Variants in KCNG4 observed in about 807,000 individuals in gnomAD.
KCNG4 encodes voltage-gated potassium channel regulatory subunit KCNG4.
KCNG4 carries 30 observed loss-of-function variants against 28.2 expected under a neutral mutation model. The observed-to-expected ratio is 1.06, with a 90% CI of 0.80 to 1.44. The LOEUF (loss-of-function observed/expected upper bound fraction) is 1.44, where lower values mean the gene tolerates loss of function less well. Among genes scored for constraint, KCNG4 ranks in the 40% most tolerant of loss-of-function variants. The probability of loss-of-function intolerance (pLI) is 0.00; values close to 1 mark genes in which losing one functional copy is unlikely to be tolerated. For synonymous variants in KCNG4, 375 were observed against 315.5 expected, an observed-to-expected ratio of 1.19 and a Z score of -2.00; for missense variants, 879 against 712.3, an observed-to-expected ratio of 1.23 and a Z score of -2.66.
intron 2 of KCNG4, among the ~76,000 whole-genome samples, chr16:84,233,229 G>T (rs1409883285): frequency 1.3e-5 from 2 of 152,200 alleles, no homozygotes; most frequent in Non-Finnish European, 2.9e-5. Context: ...GCTCAAGGAG[G>T]TTAAGTGACT....
intron 2 of KCNG4, among the ~76,000 whole-genome samples, chr16:84,225,885 C>A (rs900603026): frequency 2.6e-5 from 4 of 152,238 alleles, no homozygotes; most frequent in African/African-American, 4.8e-5. Flanking sequence ...CCTCCCAGCA[C>A]TGGTTCCTCA....
chr16:84,237,068 C>CG lies in KCNG4; in HGVS notation c.417dup (p.Ala140ArgfsTer175). 6.2e-7 allele frequency: 1 copy of CG among 1,614,074 alleles called. No individual in the cohort carries two copies. The highest frequency in any genetic ancestry group is 1.1e-5 in the South Asian group (1 of 91,084). On this transcript the variant is annotated frameshift_variant, in exon 2 of 3. Transcript: ENST00000308251. LOFTEE classifies it high-confidence loss of function. ...GCCAGCTCCTCCTGGAAGGACAGCG[C>CG]GCACATCTCCTGCAGAAGCACCAGC...
At position 84,237,286 on chromosome 16, in the gene KCNG4, C is replaced by T. The variant is rs1904992833; in HGVS notation, c.200G>A (p.Gly67Asp). Reference sequence around the variant, plus strand: ...GCTCCAGGGGAGGAGATACCTCCTGCCCCCCACGTTGATCAGGATCTCCTT... The same window carrying T: ...GCTCCAGGGGAGGAGATACCTCCTGTCCCCCACGTTGATCAGGATCTCCTT... The part of the protein sequence containing the change: ...LKKEILINVG[G>D]RRYLLPWSTL... The change falls in exon 2 of 3, where the codon GGC becomes GAC. Residue 67 changes from glycine to aspartate, a missense_variant. Gly to Asp is a moderately conservative substitution (Grantham distance 94). Transcript: ENST00000308251. The T allele has an allele frequency of 1.2e-6, 2 of 1,605,218 alleles. No homozygotes were observed. Among genetic ancestry groups the T allele is most frequent in the South Asian group, 1.1e-5 (1 of 90,026 alleles).
chr16:84,224,082 C>A (rs1904640929), intron 2 of KCNG4, among the ~76,000 whole-genome samples: 1 of 152,174 alleles, frequency 6.6e-6, no homozygotes, highest in African/African-American at 2.4e-5. Flanking sequence ...CCAAAAGCAT[C>A]AGCCTCCCCG....
chr16:84,229,775 C>T (rs1904783037), intron 2 of KCNG4, among the ~76,000 whole-genome samples: 1 of 152,130 alleles, frequency 6.6e-6, no homozygotes, highest in African/African-American at 2.4e-5. Flanking sequence ...ATCAAGGAGG[C>T]CCCAGGCCAG....
rs532293806 is a variant in KCNG4 at position 84,239,164 on chromosome 16, G to A, written c.-41+506C>T. 2.3e-4 allele frequency among the ~76,000 whole-genome samples: 35 copies of A among 152,268 alleles called. No individual in the cohort carries two copies. In the East Asian group the frequency reaches 6.2e-3, roughly 27 times the overall value. On this transcript the variant is annotated intron_variant, in intron 1 of 2. Transcript: ENST00000308251. ...CAAAGTTCCTCTCAATTTCAGAGCC[G>A]GTTGGATTCCGGTGGATAGTGGAGA...
intron 2 of KCNG4, among the ~76,000 whole-genome samples, chr16:84,224,240 T>A (rs888558650): frequency 2.0e-5 from 3 of 152,164 alleles, no homozygotes; most frequent in Non-Finnish European, 4.4e-5. Context: ...GGCTGCATGT[T>A]GGAATCACCT....
At chr16:84,224,359 A>T (rs1243481442) in intron 2 of KCNG4, among the ~76,000 whole-genome samples, 2 of 151,690 alleles carry the variant, frequency 1.3e-5, no homozygotes, top group African/African-American at 4.9e-5. Context: ...CCCCATGGAT[A>T]ATTCAAATGT....
In KCNG4 at chr16:84,222,883, G is replaced by T. The variant is rs374096501; in HGVS notation, c.894C>A (p.Ile298=). The change falls in exon 3 of 3, where the codon ATC becomes ATA. Residue 298 remains isoleucine (I), a synonymous_variant. Transcript: ENST00000308251. ...AGTATGGGGAGATGGCCAGGATGTC[G>T]ATGATGTTCAGGGGCCCCTGGAAGA... ...CQFFQGPLNI[I]DILAISPYYV... The T allele has an allele frequency of 6.2e-7, 1 of 1,612,312 alleles. No homozygotes were observed. Among genetic ancestry groups the T allele is most frequent in the Non-Finnish European group, 8.5e-7 (1 of 1,178,732 alleles).
In KCNG4 at chr16:84,222,005, C is replaced by G; in HGVS notation, c.*212G>C. 1.7e-6 allele frequency: 1 copy of G among 585,940 alleles called. No homozygotes were observed. The highest frequency in any genetic ancestry group is 2.0e-5 in the South Asian group (1 of 48,812). The allele number at this position is 585,940 out of a possible 1,614,324, so 36.3% of individuals were successfully genotyped here. A position where few individuals can be genotyped will look rare whatever the true frequency, so the allele number is the denominator to read the frequency against. The stretch of plus-strand genomic sequence containing the variant: ...GTAGATGGGCAGAGAGAGGAAAAGG[C>G]AAGCAGGCTGGACACAGTCAGCCTG... On this transcript the variant is annotated 3_prime_UTR_variant, in exon 3 of 3. Transcript: ENST00000308251.
chr16:84,225,748 G>A (rs909051045), intron 2 of KCNG4, among the ~76,000 whole-genome samples: 2 of 152,244 alleles, frequency 1.3e-5, no homozygotes, highest in African/African-American at 4.8e-5. Context: ...GGACACTCAA[G>A]CCATGCACAC....
intron 1 of KCNG4, among the ~76,000 whole-genome samples, chr16:84,238,557 G>A (rs922015103): frequency 1.3e-5 from 2 of 152,134 alleles, no homozygotes; most frequent in African/African-American, 4.8e-5. Flanking sequence ...CCCCTCTCTG[G>A]GCCCGCAGGC....
rs776192729 is a variant in KCNG4 at position 84,236,924 on chromosome 16, T to C, written c.562A>G (p.Arg188Gly). The C allele has an allele frequency of 1.9e-6, 3 of 1,613,554 alleles. No homozygotes were observed. Among genetic ancestry groups the C allele is most frequent in the South Asian group, 2.2e-5 (2 of 91,084 alleles). Residue 188 changes from arginine (R) to glycine (G), a missense_variant, in exon 2 of 3, where the codon AGG becomes GGG. By Grantham distance (125) the Arg-to-Gly change is moderately radical. Coordinates refer to ENST00000308251, the MANE Select transcript of KCNG4 (RefSeq NM_172347.3). The stretch of plus-strand genomic sequence containing the variant: ...TGCGAGGCGGGGCGGCGGGTCTCCC[T>C]CTGCTGCCTCAGTACGTCCTCCCTG... Reference protein sequence around the residue: ...LHREDVLRQQRETRRPASHSS... With the variant: ...LHREDVLRQQGETRRPASHSS...
chr16:84,236,835 C>T lies in KCNG4; in HGVS notation c.651G>A (p.Gly217=). 1.2e-6 allele frequency: 2 copies of T among 1,613,640 alleles called. No individual in the cohort carries two copies. The highest frequency in any genetic ancestry group is 2.2e-5 in the South Asian group (2 of 91,084). The stretch of plus-strand genomic sequence containing the variant: ...GGCAAGCGAAGACCTTCCCGGGCAG[C>T]CCGGACTGCGGGTTTTCCACCATCT... The part of the protein sequence containing the change: ...LREMVENPQS[G]LPGKVFACLS... Residue 217 remains glycine (G), a synonymous_variant, in exon 2 of 3, where the codon GGG becomes GGA. Transcript: ENST00000308251.
chr16:84,223,843 GACAA>G (rs1277780657), intron 2 of KCNG4, among the ~76,000 whole-genome samples: 3 of 152,188 alleles, frequency 2.0e-5, no homozygotes, highest in Admixed American at 6.5e-5. Flanking sequence ...TCTGTGACTA[GACAA>G]ACAGATATCG....
chr16:84,236,617 C>G, intron 2 of KCNG4, 113 bp downstream of exon 2: 6 of 1,094,432 alleles, frequency 5.5e-6, no homozygotes, highest in East Asian at 5.2e-5. Flanking sequence ...GGATAATATT[C>G]ATTTTTTTCT....
chr16:84,226,774 C>T lies in KCNG4; in HGVS notation c.757-3754G>A, dbSNP rs539923107. On this transcript the variant is annotated intron_variant, in intron 2 of 2. Transcript: ENST00000308251. This position sits in a 1 kb window ranked among gnomAD's most constrained non-coding sequence, Gnocchi z 4.1. ...CATGCCTGTAATCCCAGCTACTTGG[C>T]GGGCTGAGGCAGGAGAATGGCTTGG... Among the ~76,000 whole-genome samples, 42 of 149,800 alleles carry T rather than the reference C, an allele frequency of 2.8e-4. No individual in the cohort carries two copies. The highest frequency in any genetic ancestry group is 9.0e-4 in the African/African-American group (37 of 40,954).
At chr16:84,235,378 A>G (rs1904922147) in intron 2 of KCNG4, 1 of 152,192 alleles carries the variant, frequency 6.6e-6, no homozygotes, top group Non-Finnish European at 1.5e-5. Flanking sequence ...TGTACTGCAG[A>G]GTCCACACAT....
chr16:84,239,370 C>T (rs749406837), intron 1 of KCNG4, among the ~76,000 whole-genome samples: 17 of 152,210 alleles, frequency 1.1e-4, no homozygotes, highest in Non-Finnish European at 1.9e-4. Flanking sequence ...AACCAAGACC[C>T]AGCGAGCGGA....
Sources: allele counts gnomAD v4.1 joint callset (sites outside exome capture counted in the v4.1 genomes callset), GRCh38; gene constraint gnomAD v4.1.1; non-coding constraint Gnocchi (gnomAD v3.1); transcripts MANE v1.5; gene names NCBI Gene and HGNC (gene_info 2026-07-23, HGNC 2026-07-21).